MAP3K9: variants seen among roughly 807,000 people sequenced by gnomAD.
MAP3K9 encodes the protein mitogen-activated protein kinase kinase kinase 9, also known as mixed lineage kinase 1 (tyr and ser/thr specificity).
MAP3K9 carries 46 observed loss-of-function variants against 95.8 expected under a neutral mutation model. The observed-to-expected ratio is 0.48, with a 90% CI of 0.38 to 0.61. MAP3K9 has a LOEUF of 0.61. MAP3K9 is among the 20% of genes least tolerant of loss of function. The probability of loss-of-function intolerance (pLI) is 0.00; values close to 1 mark genes in which losing one functional copy is unlikely to be tolerated. For synonymous variants in MAP3K9, 533 were observed against 593.8 expected (o/e 0.90, Z 1.49); for missense variants, 1,296 against 1,474.3 (o/e 0.88, Z 1.98).
chr14:70,737,885 G>A (rs933280523), intron 8 of MAP3K9, among the ~76,000 whole-genome samples: 16 of 152,116 alleles, frequency 1.1e-4, no homozygotes, highest in East Asian at 3.8e-4. Flanking sequence ...AACCCTGCCC[G>A]CCACTTGCTT....
At position 70,733,294 on chromosome 14, in the gene MAP3K9, T is replaced by C; in HGVS notation, c.2075A>G (p.His692Arg). Residue 692 changes from histidine to arginine, a missense_variant, in exon 11 of 12, where the codon CAT becomes CGT. Transcript: ENST00000554752. ...GPGSGESRLQ[H>R]SPSQSYLCIP... The stretch of plus-strand genomic sequence containing the variant: ...ACAGAGGTAGGACTGGCTGGGTGAA[T>C]GCTGTAGGCGACTCTCTCCACTCCC... The C allele has an allele frequency of 6.3e-7, 1 of 1,599,366 alleles. No homozygotes were observed. Among genetic ancestry groups the C allele is most frequent in the Non-Finnish European group, 8.5e-7 (1 of 1,169,920 alleles).
At chr14:70,734,558 G>T in intron 9 of MAP3K9, 60 bp from the exon 10 acceptor site, 2 of 940,850 alleles carry the variant, frequency 2.1e-6, no homozygotes, top group Non-Finnish European at 3.4e-6. Flanking sequence ...TTGACCCTCA[G>T]CTCCATGGGT....
At position 70,730,472 on chromosome 14, in the gene MAP3K9, G is replaced by A. The variant is rs1219637132; in HGVS notation, c.3223C>T (p.Gln1075Ter). ...AGCGGCACGGTGCTGTCCTGACTCT[G>A]CCCCTCTGCATCCAGGTCCAGGAGC... ...RTLLDLDAEG[Q>*]SQDSTVPLCR... Residue 1075 changes from glutamine to a stop codon, truncating the protein, a stop_gained, in exon 12 of 12, where the codon CAG becomes TAG. Coordinates refer to ENST00000554752, the MANE Select transcript of MAP3K9 (RefSeq NM_001284230.2). LOFTEE classifies it high-confidence loss of function. The A allele has an allele frequency of 1.2e-6, 2 of 1,614,074 alleles. No individual in the cohort carries two copies. The highest frequency in any genetic ancestry group is 1.7e-6 in the Non-Finnish European group (2 of 1,180,052).
chr14:70,798,174 G>A (rs1179254655), intron 2 of MAP3K9, among the ~76,000 whole-genome samples: 2 of 152,160 alleles, frequency 1.3e-5, no homozygotes, highest in Non-Finnish European at 2.9e-5. Flanking sequence ...TCCTGCATAA[G>A]AGCCTCCACT....
Position 70,730,308 on chromosome 14 carries a change from G to C in MAP3K9, c.*72C>G. On this transcript the variant is annotated 3_prime_UTR_variant, in exon 12 of 12. Coordinates refer to ENST00000554752, the MANE Select transcript of MAP3K9 (RefSeq NM_001284230.2). ...TGGATCTCAGGGGGTCCAACCCTGAGAAAGGGCTGTGCCCGCCAGCTCCCC... is the reference window on the plus strand; with the variant it reads ...TGGATCTCAGGGGGTCCAACCCTGACAAAGGGCTGTGCCCGCCAGCTCCCC... 6.5e-7 allele frequency: 1 copy of C among 1,539,124 alleles called. No individual in the cohort carries two copies. The highest frequency in any genetic ancestry group is 1.3e-5 in the South Asian group (1 of 78,658).
chr14:70,730,524 T>C lies in MAP3K9; in HGVS notation c.3171A>G (p.Ala1057=). 1 of 1,614,010 alleles carries C rather than the reference T, an allele frequency of 6.2e-7. No homozygotes were observed. Among genetic ancestry groups the C allele is most frequent in the East Asian group, 2.2e-5 (1 of 44,880 alleles). The change falls in exon 12 of 12, where the codon GCA becomes GCG. Residue 1057 remains alanine (A), a synonymous_variant. Coordinates refer to ENST00000554752, the MANE Select transcript of MAP3K9 (RefSeq NM_001284230.2). The stretch of plus-strand genomic sequence containing the variant: ...TCCGCTCAGTCGGGGGCAGCGGCCC[T>C]GCCTGGAACGGGAGCAGGGCTGGAA... ...PGLPALLPFQ[A]GPLPPTERTL...
At chr14:70,804,362 A>G (rs758176957) in intron 1 of MAP3K9, among the ~76,000 whole-genome samples, 8 of 152,242 alleles carry the variant, frequency 5.3e-5, no homozygotes, top group Non-Finnish European at 1.0e-4. Context: ...GCCTGATGTC[A>G]TCTATATGAA....
intron 2 of MAP3K9, among the ~76,000 whole-genome samples, chr14:70,792,707 T>C (rs540588747): frequency 3.3e-5 from 5 of 152,328 alleles, no homozygotes; most frequent in Middle Eastern, 3.4e-3. Flanking sequence ...CACTAGAGAC[T>C]GGGATCCAGT....
intron 2 of MAP3K9, among the ~76,000 whole-genome samples, chr14:70,781,081 G>A (rs1000263497): frequency 6.6e-6 from 1 of 152,224 alleles, no homozygotes; most frequent in Non-Finnish European, 1.5e-5. Flanking sequence ...TTCCCACTGA[G>A]AGGTGGGTCT....
Position 70,730,721 on chromosome 14 carries a change from G to A in MAP3K9, c.2974C>T (p.Leu992=). 1.9e-6 allele frequency: 3 copies of A among 1,613,928 alleles called. No homozygotes were observed. The highest frequency in any genetic ancestry group is 1.1e-5 in the South Asian group (1 of 91,072). Residue 992 remains leucine (L), a synonymous_variant, in exon 12 of 12, where the codon CTG becomes TTG. Transcript: ENST00000554752. The stretch of plus-strand genomic sequence containing the variant: ...TTGGCAGAAGGACGCGGCCGAGGCA[G>A]AAACTCCAGAGTCTTGGGTCTCTCC... ...TLERPKTLEF[L]PRPRPSANRQ... is the part of the protein sequence containing the mutation.
At chr14:70,795,261 G>T (rs2054851804) in intron 2 of MAP3K9, among the ~76,000 whole-genome samples, 1 of 151,674 alleles carries the variant, frequency 6.6e-6, no homozygotes, top group South Asian at 2.1e-4. Context: ...CTCCCAAAGT[G>T]CTGGGATTAC....
intron 2 of MAP3K9, among the ~76,000 whole-genome samples, chr14:70,791,489 G>T (rs1390767759): frequency 1.3e-5 from 2 of 152,212 alleles, no homozygotes; most frequent in African/African-American, 4.8e-5. Flanking sequence ...CCCACAAAGA[G>T]ATCCATTCCC....
chr14:70,806,760 C>T (rs915693895), intron 1 of MAP3K9, among the ~76,000 whole-genome samples: 3 of 152,240 alleles, frequency 2.0e-5, no homozygotes, highest in African/African-American at 7.2e-5. Context: ...TGATCACGAA[C>T]CTCACCTAGC....
intron 5 of MAP3K9, among the ~76,000 whole-genome samples, chr14:70,745,581 C>T (rs2054135101): frequency 6.6e-6 from 1 of 151,952 alleles, no homozygotes; most frequent in Admixed American, 6.6e-5. Context: ...CTACTAAAAA[C>T]ATAAGAATCA....
At chr14:70,799,525 G>A (rs773352075) in intron 2 of MAP3K9, among the ~76,000 whole-genome samples, 42 of 152,052 alleles carry the variant, frequency 2.8e-4, no homozygotes, top group Middle Eastern at 3.4e-3. Flanking sequence ...ATTTTTAGTG[G>A]AGACGGGGTT....
chr14:70,766,090 G>C (rs528795984), intron 2 of MAP3K9, among the ~76,000 whole-genome samples: 1 of 152,110 alleles, frequency 6.6e-6, no homozygotes, highest in South Asian at 2.1e-4. Context: ...TTCAGGTTTG[G>C]GTGACAAGCA....
chr14:70,768,062 TAGAA>T (rs1373847240), intron 2 of MAP3K9, among the ~76,000 whole-genome samples: 11 of 152,074 alleles, frequency 7.2e-5, no homozygotes, highest in African/African-American at 2.4e-4. Flanking sequence ...CATCAAAAAA[TAGAA>T]AGAATAAGAC....
At chr14:70,794,827 A>G (rs966183683) in intron 2 of MAP3K9, among the ~76,000 whole-genome samples, 3 of 151,232 alleles carry the variant, frequency 2.0e-5, no homozygotes, top group Non-Finnish European at 4.4e-5. Flanking sequence ...ACAGGCACGT[A>G]CCACCATGCC....
At chr14:70,795,151 G>A (rs563365144) in intron 2 of MAP3K9, among the ~76,000 whole-genome samples, 8 of 151,102 alleles carry the variant, frequency 5.3e-5, no homozygotes, top group Admixed American at 1.3e-4. Context: ...ATGCCACCAC[G>A]TTCGGCTATT....
Sources: allele counts gnomAD v4.1 joint callset (sites outside exome capture counted in the v4.1 genomes callset), GRCh38; gene constraint gnomAD v4.1.1; transcripts MANE v1.5; gene names NCBI Gene and HGNC (gene_info 2026-07-23, HGNC 2026-07-21).